Variants in LNX1 observed in about 807,000 individuals in gnomAD.
LNX1 encodes E3 ubiquitin-protein ligase LNX.
LNX1 carries 54 observed loss-of-function variants against 68.4 expected under a neutral mutation model. The observed-to-expected ratio is 0.79, with a 90% CI of 0.63 to 0.99. The LOEUF is 0.99. LNX1 is among the 50% of genes least tolerant of loss of function. The probability of loss-of-function intolerance (pLI) is 0.00; values close to 1 mark genes in which losing one functional copy is unlikely to be tolerated. For synonymous variants in LNX1, 336 were observed against 350.0 expected (o/e 0.96, Z 0.45); for missense variants, 906 against 926.4 (o/e 0.98, Z 0.29).
At chr4:53,551,644 G>A (rs1729526817) in intron 2 of LNX1, among the ~76,000 whole-genome samples, 1 of 152,142 alleles carries the variant, frequency 6.6e-6, no homozygotes, top group African/African-American at 2.4e-5. Context: ...GGGGAGAAGA[G>A]ATGCAACCCC....
At chr4:53,465,074 C>T (rs1229541311) in intron 9 of LNX1, among the ~76,000 whole-genome samples, 3 of 152,230 alleles carry the variant, frequency 2.0e-5, no homozygotes, top group East Asian at 1.9e-4. Flanking sequence ...TTCTTCCAAG[C>T]GTCTTGCATT....
chr4:53,575,431 C>G (rs1471919508), intron 1 of LNX1: 1 of 875,758 alleles, frequency 1.1e-6, no homozygotes, highest in African/African-American at 1.8e-5. Context: ...TTTTCAAGCG[C>G]CAACTCTGAG....
At chr4:53,614,999 G>A (rs1203097475) in intron 2 of LNX1, among the ~76,000 whole-genome samples, 1 of 152,144 alleles carries the variant, frequency 6.6e-6, no homozygotes, top group Non-Finnish European at 1.5e-5. Flanking sequence ...CACCGAGAAT[G>A]AGAATAAAAT....
chr4:53,557,992 C>T lies in LNX1; in HGVS notation c.380+15631G>A, dbSNP rs1345616240. ...CTCCGAGCAGTGTGCTGCCTTCTCC[C>T]TGGCCACCTTCTGTCAGCTACAAGG... On this transcript the variant is annotated intron_variant, in intron 2 of 10. Transcript: ENST00000263925. The T allele has an allele frequency of 1.9e-6, 3 of 1,612,994 alleles. No homozygotes were observed. In the Admixed American group the frequency reaches 5.0e-5, roughly 27 times the overall value.
At chr4:53,494,511 A>C (rs1462470352) in intron 6 of LNX1, among the ~76,000 whole-genome samples, 1 of 152,220 alleles carries the variant, frequency 6.6e-6, no homozygotes, top group African/African-American at 2.4e-5. Flanking sequence ...TCAAGCCCCA[A>C]GTTCAAGATC....
At chr4:53,516,071 T>C (rs1195421661) in intron 2 of LNX1, among the ~76,000 whole-genome samples, 2 of 152,148 alleles carry the variant, frequency 1.3e-5, no homozygotes, top group Non-Finnish European at 2.9e-5. Context: ...AGGACCCATA[T>C]TCTACAAAAA....
chr4:53,510,482 G>T (rs1726249768), intron 2 of LNX1, among the ~76,000 whole-genome samples: 1 of 152,220 alleles, frequency 6.6e-6, no homozygotes, highest in South Asian at 2.1e-4. Context: ...CTTGTCCTCA[G>T]CTGGAAGAGT....
chr4:53,522,083 C>T (rs1048291002), intron 2 of LNX1, among the ~76,000 whole-genome samples: 2 of 152,174 alleles, frequency 1.3e-5, no homozygotes, highest in Admixed American at 6.5e-5. Flanking sequence ...CGAGAGCCAC[C>T]ACACCCAACT....
chr4:53,485,640 T>C (rs1724236837), intron 6 of LNX1, among the ~76,000 whole-genome samples: 1 of 152,198 alleles, frequency 6.6e-6, no homozygotes, highest in Non-Finnish European at 1.5e-5. Flanking sequence ...AAGACTTTGA[T>C]GTACTTTTGT....
At chr4:53,603,510 A>G (rs2109838158) in intron 2 of LNX1, 1 of 152,274 alleles carries the variant, frequency 6.6e-6, no homozygotes, top group South Asian at 2.1e-4. Flanking sequence ...TTAATAAAAG[A>G]GGTTTAATTG....
intron 2 of LNX1, among the ~76,000 whole-genome samples, chr4:53,614,119 T>G (rs1055003215): frequency 6.6e-6 from 1 of 152,242 alleles, no homozygotes; most frequent in Non-Finnish European, 1.5e-5. Context: ...TGTCTTCTTT[T>G]GAGAAGTGTC....
intron 2 of LNX1, chr4:53,557,924 A>G (rs1463181808): frequency 1.9e-6 from 3 of 1,613,580 alleles, no homozygotes; most frequent in African/African-American, 2.7e-5. Flanking sequence ...TGTAGTTAGC[A>G]GGACTGAGCC....
chr4:53,585,689 C>T (rs768305235), intron 1 of LNX1, among the ~76,000 whole-genome samples: 19 of 152,072 alleles, frequency 1.2e-4, no homozygotes, highest in Non-Finnish European at 2.5e-4. Context: ...AATTATGCAC[C>T]CACAAGCTAA....
intron 2 of LNX1, among the ~76,000 whole-genome samples, chr4:53,563,101 G>A (rs1730399088): frequency 6.6e-6 from 1 of 152,138 alleles, no homozygotes; most frequent in Non-Finnish European, 1.5e-5. Flanking sequence ...AGCTACTCGG[G>A]AGGCTGAGGC....
intron 9 of LNX1, among the ~76,000 whole-genome samples, chr4:53,470,949 C>T (rs1164519726): frequency 6.6e-6 from 1 of 151,322 alleles, no homozygotes; most frequent in African/African-American, 2.4e-5. Flanking sequence ...CCATCCCCAT[C>T]GAGCTACCAA....
intron 2 of LNX1, among the ~76,000 whole-genome samples, chr4:53,553,635 A>G (rs1017718187): frequency 1.3e-5 from 2 of 152,172 alleles, no homozygotes; most frequent in African/African-American, 4.8e-5. Context: ...GAAATTCAAA[A>G]AGAATGTTCA....
Position 53,573,700 on chromosome 4 carries a change from T to G in LNX1, c.303A>C (p.Leu101=). The stretch of plus-strand genomic sequence containing the variant: ...GCTCCCTGAATGGGCAGGTCACCAG[T>G]AGCTTGTTGAGGAGTTTGTTGACCA... ...SILVNKLLNK[L]LVTCPFREHC... is the part of the protein sequence containing the mutation. Residue 101 remains leucine (L), a synonymous_variant, in exon 2 of 11, where the codon CTA becomes CTC. Transcript: ENST00000263925. 1 of 1,610,552 alleles carries G rather than the reference T, an allele frequency of 6.2e-7. No homozygotes were observed. Among genetic ancestry groups the G allele is most frequent in the Non-Finnish European group, 8.5e-7 (1 of 1,178,492 alleles).
At chr4:53,514,974 C>T (rs1333504585) in intron 2 of LNX1, among the ~76,000 whole-genome samples, 3 of 152,036 alleles carry the variant, frequency 2.0e-5, no homozygotes, top group African/African-American at 7.2e-5. Context: ...CCTAAATACC[C>T]CATCCAAACA....
intron 1 of LNX1, among the ~76,000 whole-genome samples, chr4:53,643,020 G>A (rs1455576804): frequency 6.6e-6 from 1 of 152,186 alleles, no homozygotes; most frequent in Admixed American, 6.5e-5. Context: ...TACAACTTGG[G>A]GAGTGCTATG....
Sources: gnomAD v4.1 joint callset for allele counts (sites outside exome capture counted in the v4.1 genomes callset) on GRCh38, gnomAD v4.1.1 for gene constraint, MANE v1.5 for transcripts, NCBI Gene and HGNC (gene_info 2026-07-23, HGNC 2026-07-21) for gene names.